GP2: variants seen among roughly 807,000 people sequenced by gnomAD.
GP2 encodes the protein pancreatic secretory granule membrane major glycoprotein GP2.
GP2 carries 58 observed loss-of-function variants against 60.8 expected under a neutral mutation model. The observed-to-expected ratio is 0.95, with a 90% confidence interval of 0.77 to 1.19. The LOEUF is 1.19. GP2 is among the 50% of genes most tolerant of loss of function. The pLI is 0.00. For synonymous variants in GP2, 280 were observed against 253.4 expected (o/e 1.10, Z -1.00); for missense variants, 647 against 667.4 (o/e 0.97, Z 0.34).
rs753427089 is a variant in GP2 at position 20,316,019 on chromosome 16, G to A, written c.1438C>T (p.Arg480Cys). 2.1e-5 allele frequency: 34 copies of A among 1,611,950 alleles called. No individual in the cohort carries two copies. Among genetic ancestry groups the A allele is most frequent in the Non-Finnish European group, 2.5e-5 (29 of 1,178,090 alleles). ...CQPSCSRSQVRSEVPAIDLAR... is the reference protein window; with the variant it reads ...CQPSCSRSQVCSEVPAIDLAR... ...AGGTCGATGGCCGGTACTTCACTGC[G>A]GACTTGACTTCTTGAGCAAGACTGT... is the stretch of plus-strand genomic sequence containing the variant. Residue 480 changes from arginine (R) to cysteine (C), a missense_variant, in exon 9 of 11, where the codon CGC (arginine) becomes TGC (cysteine). Arg to Cys is a radical substitution (Grantham distance 180, BLOSUM62 -3). Coordinates refer to ENST00000302555, the MANE Select transcript of GP2 (RefSeq NM_001502.4).
chr16:20,321,787 G>A (rs992406369), intron 4 of GP2, among the ~76,000 whole-genome samples: 5 of 152,324 alleles, frequency 3.3e-5, no homozygotes, highest in Non-Finnish European at 4.4e-5. Flanking sequence ...ACAGAGGGAT[G>A]TGTCTGCAAG....
At chr16:20,326,787 T>C in intron 1 of GP2, 1 of 211,230 alleles carries the variant, frequency 4.7e-6, no homozygotes. Context: ...TGGCTGCCCT[T>C]TCTTAGTTTT....
At chr16:20,327,439 G>A (rs2141615782) in intron 1 of GP2, 28 bp downstream of exon 1, 4 of 1,265,790 alleles carry the variant, frequency 3.2e-6, no homozygotes, top group East Asian at 5.6e-5. Flanking sequence ...TTAGGAGGAA[G>A]CCTCCTGGGG....
chr16:20,321,368 C>T (rs1213726373), intron 4 of GP2, among the ~76,000 whole-genome samples: 2 of 152,248 alleles, frequency 1.3e-5, no homozygotes, highest in African/African-American at 4.8e-5. Flanking sequence ...ACCACCTTCT[C>T]AAATGCTAGG....
At chr16:20,311,533 C>T (rs757381106) in intron 10 of GP2, among the ~76,000 whole-genome samples, 4 of 152,132 alleles carry the variant, frequency 2.6e-5, no homozygotes, top group Non-Finnish European at 4.4e-5. Context: ...GCCATGTGAC[C>T]GAATCTGGTC....
At chr16:20,325,540 G>A (rs138478661) in intron 2 of GP2, among the ~76,000 whole-genome samples, 13 of 152,258 alleles carry the variant, frequency 8.5e-5, no homozygotes, top group African/African-American at 2.9e-4. Flanking sequence ...TTAAACGATT[G>A]TTAGAGGATT....
intron 1 of GP2, 55 bp downstream of exon 1, chr16:20,327,412 A>G (rs1354367037): frequency 1.7e-6 from 2 of 1,205,062 alleles, no homozygotes; most frequent in Non-Finnish European, 2.2e-6. Flanking sequence ...TGTCCAGTGG[A>G]TCAAGATTTC....
chr16:20,311,346 G>A, intron 10 of GP2, 65 bp from the exon 11 acceptor site: 1 of 973,364 alleles, frequency 1.0e-6, no homozygotes, highest in Non-Finnish European at 1.7e-6. Context: ...ACATAAGTTG[G>A]CCTCTTTGTC....
intron 10 of GP2, among the ~76,000 whole-genome samples, chr16:20,313,916 T>C (rs991257650): frequency 1.3e-5 from 2 of 152,160 alleles, no homozygotes; most frequent in African/African-American, 4.8e-5. Context: ...GAGGCATGAG[T>C]TGGAAGGAGC....
In GP2 at chr16:20,311,326, T is replaced by C. The variant is rs1162019515; in HGVS notation, c.1547-45A>G. ...ACTGTCAAGTGTTGGGCTTTGGGAG[T>C]CAGGAGCAAACATAAGTTGGCCTCT... On this transcript the variant is annotated intron_variant, in intron 10 of 10. Coordinates refer to ENST00000302555, the MANE Select transcript of GP2 (RefSeq NM_001502.4). 5.4e-5 allele frequency: 66 copies of C among 1,224,510 alleles called. No individual in the cohort carries two copies. The Admixed American group carries it at 1.1e-3, about 20-fold the overall frequency. The allele number at this position is 1,224,510 out of a possible 1,614,324, so 75.9% of individuals were successfully genotyped here.
At chr16:20,319,312 A>G (rs1964276543) in intron 6 of GP2, among the ~76,000 whole-genome samples, 2 of 152,212 alleles carry the variant, frequency 1.3e-5, no homozygotes, top group Admixed American at 1.3e-4. Context: ...TTGTTCCTCA[A>G]GGTGAATGAA....
chr16:20,322,750 C>T, intron 4 of GP2, 119 bp downstream of exon 4: 1 of 618,536 alleles, frequency 1.6e-6, no homozygotes. Context: ...GCCCACATTC[C>T]CTTGACCTCA....
intron 10 of GP2, among the ~76,000 whole-genome samples, chr16:20,314,084 G>A (rs942568246): frequency 6.6e-6 from 1 of 151,956 alleles, no homozygotes; most frequent in Non-Finnish European, 1.5e-5. Flanking sequence ...GGGATGGGGG[G>A]CAAGGGGAGG....
intron 9 of GP2, among the ~76,000 whole-genome samples, chr16:20,315,573 T>C (rs890780996): frequency 1.3e-5 from 2 of 152,066 alleles, no homozygotes; most frequent in Non-Finnish European, 2.9e-5. Context: ...TGGAAGCAGG[T>C]GGAATAAGGA....
At chr16:20,313,311 A>G (rs1964054782) in intron 10 of GP2, among the ~76,000 whole-genome samples, 1 of 150,636 alleles carries the variant, frequency 6.6e-6, no homozygotes, top group South Asian at 2.1e-4. Context: ...TATTTCTTTT[A>G]TTAGTTAGCT....
intron 10 of GP2, among the ~76,000 whole-genome samples, chr16:20,312,232 G>A (rs1173712086): frequency 6.6e-6 from 1 of 152,174 alleles, no homozygotes; most frequent in African/African-American, 2.4e-5. Flanking sequence ...TTGTATCAGA[G>A]GGCCTAGGAG....
At chr16:20,320,891 A>G (rs1964335593) in intron 4 of GP2, among the ~76,000 whole-genome samples, 1 of 152,228 alleles carries the variant, frequency 6.6e-6, no homozygotes, top group Non-Finnish European at 1.5e-5. Flanking sequence ...CACTGGGGCT[A>G]CAACACTTAT....
chr16:20,323,341 C>G (rs1463525322), intron 3 of GP2: 1 of 717,984 alleles, frequency 1.4e-6, no homozygotes, highest in East Asian at 2.7e-5. Flanking sequence ...GCCCCTTAAT[C>G]TCTCTGTGCC....
At position 20,311,301 on chromosome 16, in the gene GP2, A is replaced by T. The variant is rs1036388047; in HGVS notation, c.1547-20T>A. The T allele has an allele frequency of 2.0e-6, 3 of 1,524,330 alleles. No individual in the cohort carries two copies. The highest frequency in any genetic ancestry group is 2.7e-5 in the African/African-American group (2 of 73,064). 94.4% of individuals were successfully genotyped at this position (1,524,330 alleles called of 1,614,324 possible). On this transcript the variant is annotated intron_variant, in intron 10 of 10. Coordinates refer to ENST00000302555, the MANE Select transcript of GP2 (RefSeq NM_001502.4). The stretch of plus-strand genomic sequence containing the variant: ...GGAACCCTGAAATACAAGAAATATG[A>T]CTGTCAAGTGTTGGGCTTTGGGAGT...
Sources: allele counts gnomAD v4.1 joint callset (sites outside exome capture counted in the v4.1 genomes callset), GRCh38; gene constraint gnomAD v4.1.1; transcripts MANE v1.5; gene names NCBI Gene and HGNC (gene_info 2026-07-23, HGNC 2026-07-21).